Variants in NALCN observed in about 807,000 individuals in gnomAD.
NALCN encodes the protein sodium leak channel NALCN.
A neutral mutation model predicts 225.3 loss-of-function variants in NALCN; 111 were observed. That is an observed-to-expected ratio of 0.49 (90% CI 0.42 to 0.58). NALCN has a LOEUF of 0.58. Ranked by LOEUF, NALCN falls within the 20% of genes least tolerant of loss-of-function variation. NALCN has a pLI of 0.00. For synonymous variants in NALCN, 764 were observed against 769.0 expected (o/e 0.99, Z 0.11); for missense variants, 1,378 against 2,202.4 (o/e 0.63, Z 7.49).
chr13:101,402,365 A>C (rs184450925), intron 1 of NALCN, among the ~76,000 whole-genome samples: 7 of 152,340 alleles, frequency 4.6e-5, no homozygotes, highest in Non-Finnish European at 2.9e-5. Context: ...AAACTCATTC[A>C]TCCCATGTTC....
intron 7 of NALCN, among the ~76,000 whole-genome samples, chr13:101,299,422 T>A (rs77624258): frequency 0.025 from 3,650 of 145,528 alleles, 66 homozygotes; most frequent in South Asian, 0.047. Flanking sequence ...ACACACAGGG[T>A]TTTTTTTGTT....
intron 26 of NALCN, among the ~76,000 whole-genome samples, chr13:101,102,556 T>C (rs1040038257): frequency 9.2e-5 from 14 of 152,204 alleles, no homozygotes; most frequent in Admixed American, 2.0e-4. Context: ...CTCTTTCTTG[T>C]TGTTTTATCT....
chr13:101,191,574 GA>G (rs1475369309), intron 14 of NALCN, among the ~76,000 whole-genome samples: 3 of 151,892 alleles, frequency 2.0e-5, no homozygotes, highest in African/African-American at 4.8e-5. Context: ...CTCTACATGA[GA>G]AAAAAAATAA....
intron 22 of NALCN, among the ~76,000 whole-genome samples, 166 bp downstream of exon 22, chr13:101,107,321 T>A (rs575439969): frequency 1.3e-5 from 2 of 152,252 alleles, no homozygotes; most frequent in Non-Finnish European, 2.9e-5. Flanking sequence ...CGACCTTTGT[T>A]TTCCACCTGG....
intron 7 of NALCN, among the ~76,000 whole-genome samples, chr13:101,328,371 G>A (rs1488018980): frequency 6.6e-6 from 1 of 152,042 alleles, no homozygotes; most frequent in Non-Finnish European, 1.5e-5. Flanking sequence ...GAGTGCGGTG[G>A]CGTGATCTCG....
chr13:101,347,844 A>G (rs1410709669), intron 6 of NALCN, among the ~76,000 whole-genome samples: 2 of 152,212 alleles, frequency 1.3e-5, no homozygotes, highest in Non-Finnish European at 1.5e-5. Context: ...ATGTGTTGCA[A>G]GTACTGTACT....
intron 7 of NALCN, among the ~76,000 whole-genome samples, chr13:101,321,538 T>G (rs1041329690): frequency 6.6e-6 from 1 of 152,138 alleles, no homozygotes; most frequent in Non-Finnish European, 1.5e-5. Context: ...ATTAAAAATG[T>G]GCATACCCAG....
Position 101,402,796 on chromosome 13 carries a change from C to T in NALCN, c.-39-3631G>A, listed in dbSNP as rs139800297. On this transcript the variant is annotated intron_variant, in intron 1 of 43. Transcript: ENST00000251127. ...TGAATGAAGATTCAGCCTGAGAGAGCGACATGAGCCAGGCATCCTGCTTTT... is the reference window on the plus strand; with the variant it reads ...TGAATGAAGATTCAGCCTGAGAGAGTGACATGAGCCAGGCATCCTGCTTTT... Among the ~76,000 whole-genome samples the T allele has an allele frequency of 1.0e-3, 157 of 152,272 alleles. 3 individuals are homozygous for T. Among genetic ancestry groups the T allele is most frequent in the African/African-American group, 3.4e-3 (140 of 41,548 alleles).
At chr13:101,102,004 A>G (rs1031172330) in intron 26 of NALCN, among the ~76,000 whole-genome samples, 2 of 152,140 alleles carry the variant, frequency 1.3e-5, no homozygotes, top group Non-Finnish European at 2.9e-5. Context: ...GAAAACAAGA[A>G]TTTTTAAACC....
intron 13 of NALCN, among the ~76,000 whole-genome samples, chr13:101,204,877 T>A (rs1033323863): frequency 2.0e-5 from 3 of 152,170 alleles, no homozygotes; most frequent in Non-Finnish European, 2.9e-5. Context: ...TGCTTTGCAA[T>A]TCCCACAGTA....
intron 13 of NALCN, among the ~76,000 whole-genome samples, chr13:101,204,717 T>C (rs559342907): frequency 6.6e-6 from 1 of 152,252 alleles, no homozygotes; most frequent in South Asian, 2.1e-4. Flanking sequence ...TGTCCAATTG[T>C]CTCTTTCCTT....
chr13:101,199,898 T>A (rs937288338), intron 13 of NALCN, among the ~76,000 whole-genome samples: 3 of 152,142 alleles, frequency 2.0e-5, no homozygotes, highest in African/African-American at 7.2e-5. Flanking sequence ...GCCAGAGCAC[T>A]GCACTACAGA....
intron 18 of NALCN, among the ~76,000 whole-genome samples, chr13:101,117,953 G>C (rs767016191): frequency 2.6e-5 from 4 of 152,158 alleles, no homozygotes; most frequent in Non-Finnish European, 4.4e-5. Context: ...GTGGAGCACA[G>C]AGGATTTTTA....
chr13:101,383,102 C>CATTG (rs1312709345), intron 3 of NALCN, among the ~76,000 whole-genome samples: 2 of 152,082 alleles, frequency 1.3e-5, no homozygotes, highest in Non-Finnish European at 2.9e-5. Context: ...TTTTAATGTT[C>CATTG]ATTGTTTTTC....
chr13:101,277,222 AACTGGATGAGGAT>A (rs138796472), intron 10 of NALCN, among the ~76,000 whole-genome samples: 78 of 152,272 alleles, frequency 5.1e-4, no homozygotes, highest in Non-Finnish European at 1.0e-3. Flanking sequence ...TACTTATAGT[AACTGGATGAGGAT>A]ACAGAGTAGA....
At chr13:101,348,854 A>C (rs1389003375) in intron 6 of NALCN, among the ~76,000 whole-genome samples, 1 of 152,202 alleles carries the variant, frequency 6.6e-6, no homozygotes, top group African/African-American at 2.4e-5. Flanking sequence ...TAAAACCACA[A>C]GGTAATTACT....
At chr13:101,070,734 T>A (rs1023182748) in intron 37 of NALCN, among the ~76,000 whole-genome samples, 5 of 152,226 alleles carry the variant, frequency 3.3e-5, no homozygotes, top group African/African-American at 1.2e-4. Context: ...TATTCTGTCA[T>A]CCAGGCTTTG....
At chr13:101,222,004 G>A (rs1416919196) in intron 13 of NALCN, among the ~76,000 whole-genome samples, 5 of 151,778 alleles carry the variant, frequency 3.3e-5, no homozygotes, top group Non-Finnish European at 5.9e-5. Context: ...CATCTAAAAC[G>A]TGCCTTATTG....
chr13:101,313,258 G>T (rs2044420457), intron 7 of NALCN, among the ~76,000 whole-genome samples: 1 of 152,008 alleles, frequency 6.6e-6, no homozygotes, highest in South Asian at 2.1e-4. Context: ...ATACCATTCA[G>T]GACATAGGCA....
Sources: gnomAD v4.1 joint callset for allele counts (sites outside exome capture counted in the v4.1 genomes callset) on GRCh38, gnomAD v4.1.1 for gene constraint, MANE v1.5 for transcripts, NCBI Gene and HGNC (gene_info 2026-07-23, HGNC 2026-07-21) for gene names.